The following CTIF variants were observed in gnomAD, a reference collection of about 807,000 sequenced individuals.
CTIF encodes cap binding complex dependent translation initiation factor, also known as CBP80/20-dependent translation initiation factor.
A neutral mutation model predicts 66.0 loss-of-function variants in CTIF; 21 were observed. That is an observed-to-expected ratio of 0.32 (90% CI 0.23 to 0.46). CTIF has a LOEUF of 0.46. CTIF is among the 20% of genes least tolerant of loss of function. The pLI is 1.00. For synonymous variants in CTIF, 345 were observed against 326.4 expected (o/e 1.06, Z -0.62); for missense variants, 739 against 812.7 (o/e 0.91, Z 1.10).
intron 3 of CTIF, among the ~76,000 whole-genome samples, chr18:48,648,066 C>G (rs1348872820): frequency 1.3e-5 from 2 of 152,148 alleles, no homozygotes; most frequent in African/African-American, 2.4e-5. Context: ...GACAGGCAGC[C>G]AGACAGAAAT....
Position 48,584,130 on chromosome 18 carries a change from A to C in CTIF, c.-28-35408A>C, listed in dbSNP as rs534416728. On this transcript the variant is annotated intron_variant, in intron 1 of 11. Transcript: ENST00000256413. The stretch of plus-strand genomic sequence containing the variant: ...CTTGTACCAGGGCACAAGGCTTAAC[A>C]AATAGGGTTTGAGCTGGCTCTTGGC... 2.0e-5 allele frequency among the ~76,000 whole-genome samples: 3 copies of C among 152,258 alleles called. No individual in the cohort carries two copies. The East Asian group carries it at 5.8e-4, about 29-fold the overall frequency.
chr18:48,665,136 G>A (rs568634356), intron 5 of CTIF, among the ~76,000 whole-genome samples: 9 of 151,530 alleles, frequency 5.9e-5, no homozygotes, highest in South Asian at 2.1e-4. Flanking sequence ...GGATGGTCTC[G>A]ATCTCCTGAC....
chr18:48,778,974 G>A (rs1568212113), intron 9 of CTIF, among the ~76,000 whole-genome samples: 1 of 152,200 alleles, frequency 6.6e-6, no homozygotes, highest in Non-Finnish European at 1.5e-5. Flanking sequence ...GGACAGCCCC[G>A]ATTTGAATCC....
intron 1 of CTIF, among the ~76,000 whole-genome samples, chr18:48,544,210 C>T (rs1169223021): frequency 2.0e-5 from 3 of 152,214 alleles, no homozygotes; most frequent in East Asian, 3.8e-4. Flanking sequence ...TACTTTAATA[C>T]GCTGCACTTG....
chr18:48,709,739 C>A (rs985186093), intron 6 of CTIF, among the ~76,000 whole-genome samples: 4 of 152,176 alleles, frequency 2.6e-5, no homozygotes, highest in African/African-American at 9.7e-5. Context: ...TGGTGTTTTT[C>A]CTTATTTGTG....
At chr18:48,822,319 G>A (rs372791379) in intron 10 of CTIF, among the ~76,000 whole-genome samples, 21 of 152,152 alleles carry the variant, frequency 1.4e-4, no homozygotes, top group South Asian at 1.0e-3. Flanking sequence ...CCATCACCTC[G>A]AGTATTTATC....
chr18:48,848,950 T>C (rs933465911), intron 10 of CTIF, among the ~76,000 whole-genome samples: 7 of 152,236 alleles, frequency 4.6e-5, no homozygotes, highest in African/African-American at 1.7e-4. Context: ...CCTTGGATTC[T>C]TGTCCAAGAA....
At position 48,643,603 on chromosome 18, in the gene CTIF, T is replaced by C. The variant is rs138037612; in HGVS notation, c.252+6918T>C. Among the ~76,000 whole-genome samples the C allele has an allele frequency of 1.9e-3, 288 of 152,312 alleles. 1 individual carries two copies. Among genetic ancestry groups the C allele is most frequent in the African/African-American group, 6.5e-3 (269 of 41,570 alleles). On this transcript the variant is annotated intron_variant, in intron 3 of 11. Coordinates refer to ENST00000256413, the MANE Select transcript of CTIF (RefSeq NM_014772.3). ...AGAATTAGAGCTCTATCTTTAGGTT[T>C]CATGGCTGGCTTTGGGAGAAAGAGG...
At chr18:48,666,157 A>G (rs933268106) in intron 5 of CTIF, among the ~76,000 whole-genome samples, 2 of 152,014 alleles carry the variant, frequency 1.3e-5, no homozygotes, top group African/African-American at 2.4e-5. Flanking sequence ...GTGTTTTATT[A>G]TGATACTGAT....
At chr18:48,742,439 A>G (rs1369015223) in intron 7 of CTIF, among the ~76,000 whole-genome samples, 1 of 152,212 alleles carries the variant, frequency 6.6e-6, no homozygotes, top group Non-Finnish European at 1.5e-5. Flanking sequence ...CCCGCCTCTA[A>G]GAGGCTGAAC....
intron 7 of CTIF, among the ~76,000 whole-genome samples, chr18:48,729,806 A>G (rs8096086): frequency 0.69 from 105,397 of 152,144 alleles, 37,039 homozygotes; most frequent in East Asian, 0.95. Flanking sequence ...TGCTGTGGAG[A>G]GAAGTCCCTC....
intron 3 of CTIF, among the ~76,000 whole-genome samples, chr18:48,648,902 C>T (rs571750799): frequency 6.6e-6 from 1 of 152,144 alleles, no homozygotes; most frequent in Non-Finnish European, 1.5e-5. Flanking sequence ...GGTGGATCAC[C>T]TGAGGTCAGG....
intron 1 of CTIF, among the ~76,000 whole-genome samples, chr18:48,547,809 T>C (rs930693473): frequency 6.6e-6 from 1 of 152,236 alleles, no homozygotes; most frequent in African/African-American, 2.4e-5. Flanking sequence ...TGAGGGTAGC[T>C]GAGCCGGCTG....
At chr18:48,578,028 T>C (rs911321725) in intron 1 of CTIF, among the ~76,000 whole-genome samples, 1 of 152,268 alleles carries the variant, frequency 6.6e-6, no homozygotes, top group African/African-American at 2.4e-5. Flanking sequence ...GCTTTCTCTA[T>C]AGATTTGTCT....
intron 1 of CTIF, among the ~76,000 whole-genome samples, chr18:48,541,040 G>T (rs1381310403): frequency 1.3e-5 from 2 of 152,190 alleles, no homozygotes; most frequent in Admixed American, 1.3e-4. Flanking sequence ...GGCGCGGGGG[G>T]TTGGTTTGGC....
At position 48,673,400 on chromosome 18, in the gene CTIF, C is replaced by A. The variant is rs2091568977; in HGVS notation, c.507+2656C>A. ...GAAATTCAGCATGAACCTGGTTATG[C>A]TCTTCTCGGTGTGATTTCTGAGACA... On this transcript the variant is annotated intron_variant, in intron 6 of 11. Transcript: ENST00000256413. Among the ~76,000 whole-genome samples the A allele has an allele frequency of 2.0e-5, 3 of 151,746 alleles. No individual in the cohort carries two copies. In the South Asian group the frequency reaches 6.3e-4, roughly 32 times the overall value.
At chr18:48,857,130 C>T (rs1009147643) in intron 10 of CTIF, among the ~76,000 whole-genome samples, 1 of 152,224 alleles carries the variant, frequency 6.6e-6, no homozygotes, top group Non-Finnish European at 1.5e-5. Flanking sequence ...TGGACTTCCT[C>T]CTGTGGCCAG....
chr18:48,660,872 G>C (rs570089296), intron 3 of CTIF, among the ~76,000 whole-genome samples: 53 of 152,308 alleles, frequency 3.5e-4, no homozygotes, highest in Middle Eastern at 3.4e-3. Flanking sequence ...TTCTAGGTTT[G>C]GCCATGACCT....
chr18:48,612,919 C>T (rs892728824), intron 1 of CTIF, among the ~76,000 whole-genome samples: 2 of 152,104 alleles, frequency 1.3e-5, no homozygotes, highest in African/African-American at 2.4e-5. Context: ...AGTGGGGTGT[C>T]AGAAGGGTGT....
Sources: gnomAD v4.1 joint callset for allele counts (sites outside exome capture counted in the v4.1 genomes callset) on GRCh38, gnomAD v4.1.1 for gene constraint, MANE v1.5 for transcripts, NCBI Gene and HGNC (gene_info 2026-07-23, HGNC 2026-07-21) for gene names.